GRM5: variants seen among roughly 807,000 people sequenced by gnomAD.
GRM5 encodes the protein metabotropic glutamate receptor 5.
GRM5 carries 19 observed loss-of-function variants against 83.1 expected under a neutral mutation model. The ratio of observed to expected loss-of-function variants is 0.23; its 90% CI spans 0.16 to 0.34. The LOEUF (loss-of-function observed/expected upper bound fraction) is 0.34. GRM5 is among the 10% of genes least tolerant of loss of function. The probability of loss-of-function intolerance (pLI) is 1.00; values close to 1 mark genes in which losing one functional copy is unlikely to be tolerated. For missense variants in GRM5, 1,160 were observed against 1,588.3 expected (o/e 0.73, Z 4.58); for synonymous variants, 675 against 633.6 (o/e 1.07, Z -0.98).
At chr11:88,912,277 T>C (rs1312265609) in intron 2 of GRM5, among the ~76,000 whole-genome samples, 1 of 151,912 alleles carries the variant, frequency 6.6e-6, no homozygotes, top group Non-Finnish European at 1.5e-5. Context: ...TTTTTCAATT[T>C]ACTGCCATCA....
At chr11:88,653,437 C>A in intron 3 of GRM5, 34 bp from the exon 4 acceptor site, 1 of 1,400,904 alleles carries the variant, frequency 7.1e-7, no homozygotes, top group Non-Finnish European at 1.0e-6. Flanking sequence ...CAGCTTAGAA[C>A]AGATATCTCC....
chr11:88,736,910 G>C (rs541876577), intron 3 of GRM5, among the ~76,000 whole-genome samples: 1 of 151,972 alleles, frequency 6.6e-6, no homozygotes, highest in Non-Finnish European at 1.5e-5. Context: ...TAAGTTTCCC[G>C]TGCTGTGCCT....
chr11:88,657,551 T>C (rs1939793490), intron 3 of GRM5, among the ~76,000 whole-genome samples: 1 of 152,136 alleles, frequency 6.6e-6, no homozygotes, highest in South Asian at 2.1e-4. Flanking sequence ...AGAATTTACT[T>C]TCACTTTCTT....
At chr11:88,738,113 G>A (rs1157475997) in intron 3 of GRM5, among the ~76,000 whole-genome samples, 1 of 151,808 alleles carries the variant, frequency 6.6e-6, no homozygotes, top group African/African-American at 2.4e-5. Flanking sequence ...GAAATCACAA[G>A]AATTTTTTGA....
chr11:88,528,702 AATG>A (rs1306890023), intron 8 of GRM5, among the ~76,000 whole-genome samples: 3 of 152,066 alleles, frequency 2.0e-5, no homozygotes, highest in African/African-American at 7.2e-5. Flanking sequence ...TTTCAAATGA[AATG>A]TTTAATTTAC....
intron 3 of GRM5, among the ~76,000 whole-genome samples, chr11:88,778,686 A>G (rs1448595637): frequency 6.6e-6 from 1 of 152,212 alleles, no homozygotes; most frequent in East Asian, 1.9e-4. Context: ...ATTAGACAAC[A>G]TTGGTCTAGT....
At chr11:88,887,382 A>C (rs1442700690) in intron 2 of GRM5, among the ~76,000 whole-genome samples, 2 of 152,212 alleles carry the variant, frequency 1.3e-5, no homozygotes, top group African/African-American at 2.4e-5. Context: ...CCTCCATTAA[A>C]GAGGGCTTGC....
chr11:88,720,839 T>C (rs2135394903), intron 3 of GRM5, among the ~76,000 whole-genome samples: 1 of 150,656 alleles, frequency 6.6e-6, no homozygotes, highest in Non-Finnish European at 1.5e-5. Flanking sequence ...TGTGTGTGTG[T>C]GTGTGCCTGT....
chr11:88,988,642 T>A (rs1341593455), intron 2 of GRM5, among the ~76,000 whole-genome samples: 1 of 151,414 alleles, frequency 6.6e-6, no homozygotes, highest in Non-Finnish European at 1.5e-5. Flanking sequence ...GGGAAGCCCA[T>A]CAGACTAACA....
At chr11:89,025,940 C>T (rs1941120191) in intron 2 of GRM5, among the ~76,000 whole-genome samples, 1 of 152,198 alleles carries the variant, frequency 6.6e-6, no homozygotes, top group Non-Finnish European at 1.5e-5. Context: ...CTTAGATGCT[C>T]ATCAACTGTG....
At chr11:88,850,317 T>C (rs149563581) in intron 2 of GRM5, among the ~76,000 whole-genome samples, 162 bp from the exon 3 acceptor site, 2,604 of 152,308 alleles carry the variant, frequency 0.017, 64 homozygotes, top group African/African-American at 0.058. Context: ...AATTGCTTAT[T>C]TTGGGCAAAT....
At chr11:88,743,023 A>ATTTAAAAACAGCGAGATTGAAAAGG (rs1942060497) in intron 3 of GRM5, among the ~76,000 whole-genome samples, 1 of 151,896 alleles carries the variant, frequency 6.6e-6, no homozygotes, top group Non-Finnish European at 1.5e-5. Context: ...TTCTGAAAAG[A>ATTTAAAAACAGCGAGATTGAAAAGG]TGCATTTAAA....
chr11:89,044,868 T>C (rs1479006800), intron 2 of GRM5, among the ~76,000 whole-genome samples: 4 of 148,760 alleles, frequency 2.7e-5, no homozygotes, highest in African/African-American at 9.9e-5. Context: ...AAAAAAAGCA[T>C]GACCTTAGAG....
chr11:88,989,249 C>A (rs1939868551), intron 2 of GRM5, among the ~76,000 whole-genome samples: 1 of 142,346 alleles, frequency 7.0e-6, no homozygotes, highest in African/African-American at 2.6e-5. Context: ...CAACAAAGAT[C>A]AAAAGAGACA....
At chr11:89,001,601 G>A (rs1399709801) in intron 2 of GRM5, among the ~76,000 whole-genome samples, 1 of 152,076 alleles carries the variant, frequency 6.6e-6, no homozygotes, top group African/African-American at 2.4e-5. Flanking sequence ...GGATCTTTGT[G>A]GTGGTGGAGC....
rs138782570 is a variant in GRM5, at chr11:88,674,089, A to G, written c.912-20686T>C. 3.7e-3 allele frequency among the ~76,000 whole-genome samples: 567 copies of G among 151,892 alleles called. 1 individual carries two copies. Among genetic ancestry groups the G allele is most frequent in the African/African-American group, 0.013 (540 of 41,486 alleles). On this transcript the variant is annotated intron_variant, in intron 3 of 9. Transcript: ENST00000305447. ...TCTAAGAAATGTCAGTGTCAGAGTA[A>G]AGTGAAGAATCATTCAGGGTTGTAT...
chr11:88,517,878 T>C lies in GRM5; in HGVS notation c.2726+7431A>G, dbSNP rs952232753. On this transcript the variant is annotated intron_variant, in intron 9 of 9. Transcript: ENST00000305447. ...TATTGTATATAACTACTGAATTATC[T>C]ACAAAAACTATACATTTGTACATAA... Among the ~76,000 whole-genome samples, 8 of 152,240 alleles carry C rather than the reference T, an allele frequency of 5.3e-5. 1 individual carries two copies. The South Asian group carries it at 1.2e-3, about 24-fold the overall frequency.
chr11:89,050,958 G>A (rs1423284490), intron 1 of GRM5, among the ~76,000 whole-genome samples: 2 of 152,104 alleles, frequency 1.3e-5, no homozygotes, highest in Non-Finnish European at 2.9e-5. Context: ...CTGCTGGAGG[G>A]TGGGAGGAGA....
intron 2 of GRM5, among the ~76,000 whole-genome samples, chr11:88,855,494 A>G (rs570872090): frequency 1.3e-5 from 2 of 151,856 alleles, no homozygotes; most frequent in Admixed American, 6.6e-5. Context: ...TATTTGTATA[A>G]TCTCTGTAAT....
Sources: gnomAD v4.1 joint callset for allele counts (sites outside exome capture counted in the v4.1 genomes callset) on GRCh38, gnomAD v4.1.1 for gene constraint, MANE v1.5 for transcripts, NCBI Gene and HGNC (gene_info 2026-07-23, HGNC 2026-07-21) for gene names.